LIN54: variants seen among roughly 807,000 people sequenced by gnomAD.
LIN54 encodes lin-54 DREAM MuvB core complex component.
A neutral mutation model predicts 78.7 loss-of-function variants in LIN54; 9 were observed. The observed-to-expected ratio is 0.11, with a 90% CI of 0.07 to 0.20. The LOEUF is 0.20. LIN54 is among the 10% of genes least tolerant of loss of function. LIN54 has a pLI of 1.00. For synonymous variants in LIN54, 269 were observed against 318.4 expected, an observed-to-expected ratio of 0.84 and a Z score of 1.65; for missense variants, 573 against 889.9, an observed-to-expected ratio of 0.64 and a Z score of 4.53.
chr4:82,974,508 G>A (rs1415453796), intron 3 of LIN54, among the ~76,000 whole-genome samples: 2 of 151,660 alleles, frequency 1.3e-5, no homozygotes, highest in Non-Finnish European at 2.9e-5. Flanking sequence ...AGGCCGAGGT[G>A]GGCAGATCAC....
At chr4:82,955,130 G>C (rs925655237) in intron 4 of LIN54, among the ~76,000 whole-genome samples, 1 of 152,034 alleles carries the variant, frequency 6.6e-6, no homozygotes, top group Non-Finnish European at 1.5e-5. Flanking sequence ...CTAGCACTTA[G>C]AGAGGCCGAA....
intron 1 of LIN54, among the ~76,000 whole-genome samples, chr4:82,997,523 A>C (rs1386252786): frequency 6.6e-6 from 1 of 152,010 alleles, no homozygotes; most frequent in Non-Finnish European, 1.5e-5. Context: ...TTAATCAAAG[A>C]CCTTGCCCTC....
At position 82,974,072 on chromosome 4, in the gene LIN54, T is replaced by C. The variant is rs546207278; in HGVS notation, c.809-3603A>G. Among the ~76,000 whole-genome samples the C allele has an allele frequency of 6.6e-5, 10 of 152,060 alleles. No homozygotes were observed. In the South Asian group the frequency reaches 1.7e-3, roughly 25 times the overall value. ...AAAAATACAAAAAATTAGCTGGGTG[T>C]GGTGGCAGGCACCTGTAGTCCCAGC... On this transcript the variant is annotated intron_variant, in intron 3 of 12. Coordinates refer to ENST00000340417, the MANE Select transcript of LIN54 (RefSeq NM_194282.4).
chr4:82,955,369 A>AATATAACATAAC (rs1553950433), intron 4 of LIN54, among the ~76,000 whole-genome samples: 2 of 138,292 alleles, frequency 1.4e-5, no homozygotes, highest in Non-Finnish European at 3.1e-5. Flanking sequence ...ATCTCAAAAA[A>AATATAACATAAC]ATAACATAAC....
intron 1 of LIN54, among the ~76,000 whole-genome samples, chr4:82,998,318 A>T: frequency 6.6e-6 from 1 of 151,568 alleles, no homozygotes. Context: ...GCTGAGGCGG[A>T]CAGATCACGA....
At chr4:82,979,654 C>A (rs1385136069) in intron 2 of LIN54, among the ~76,000 whole-genome samples, 2 of 151,900 alleles carry the variant, frequency 1.3e-5, no homozygotes, top group Non-Finnish European at 2.9e-5. Context: ...AAGATGGGGT[C>A]CTGGCCAGGC....
chr4:82,934,894 T>A (rs1170348806), intron 11 of LIN54, among the ~76,000 whole-genome samples: 1 of 152,148 alleles, frequency 6.6e-6, no homozygotes, highest in Non-Finnish European at 1.5e-5. Flanking sequence ...TTGTTACACA[T>A]AAGCTTCTAA....
chr4:83,009,462 T>C (rs1729675572), intron 1 of LIN54, among the ~76,000 whole-genome samples: 1 of 152,200 alleles, frequency 6.6e-6, no homozygotes, highest in African/African-American at 2.4e-5. Flanking sequence ...AATTAATGTA[T>C]AAAAATTTTT....
At chr4:82,937,152 T>G (rs1210670448) in intron 9 of LIN54, 75 bp downstream of exon 9, 11 of 809,698 alleles carry the variant, frequency 1.4e-5, no homozygotes, top group African/African-American at 1.0e-4. Flanking sequence ...TGCTAAAAAT[T>G]TTTAGTTAAC....
rs1439856443 is a variant in LIN54, at chr4:82,930,974, G to C, written c.2017C>G (p.Pro673Ala). The stretch of plus-strand genomic sequence containing the variant: ...CCTCCACTATTTAAAGCTGGTGTTG[G>C]CCTAGTAAGCAAGTCTGAAATTTGA... ...SSQISDLLTR[P>A]TPALNSGGGK... Residue 673 changes from proline to alanine, a missense_variant, in exon 12 of 13, where the codon CCA (proline) becomes GCA (alanine). This residue lies in a region of LIN54 where 82 missense variants were observed against 140.8 expected (regional missense o/e 0.58). Transcript: ENST00000340417. 6.2e-7 allele frequency: 1 copy of C among 1,614,128 alleles called. No homozygotes were observed. Among genetic ancestry groups the C allele is most frequent in the Non-Finnish European group, 8.5e-7 (1 of 1,180,002 alleles).
chr4:82,939,753 T>C lies in LIN54; in HGVS notation c.1243-17A>G, dbSNP rs370858103. On this transcript the variant is annotated splice_polypyrimidine_tract_variant and intron_variant, in intron 6 of 12. Transcript: ENST00000340417. Reference sequence around the variant, plus strand: ...TGGAACAACCTAAAAAGAAGGGACATATATCAATGACCACAAAATAAATTT... The same window carrying C: ...TGGAACAACCTAAAAAGAAGGGACACATATCAATGACCACAAAATAAATTT... 3.3e-5 allele frequency: 54 copies of C among 1,613,506 alleles called. No individual in the cohort carries two copies. Among genetic ancestry groups the C allele is most frequent in the Non-Finnish European group, 4.5e-5 (53 of 1,179,514 alleles).
At chr4:82,939,830 A>G in intron 6 of LIN54, 59 bp downstream of exon 6, 1 of 1,587,798 alleles carries the variant, frequency 6.3e-7, no homozygotes. Flanking sequence ...TTAACTTTCT[A>G]TTTAAAAAGT....
At chr4:83,005,933 T>C (rs889575277) in intron 1 of LIN54, among the ~76,000 whole-genome samples, 4 of 152,150 alleles carry the variant, frequency 2.6e-5, no homozygotes, top group Non-Finnish European at 4.4e-5. Flanking sequence ...ATATACACTA[T>C]GAAATACTAC....
At chr4:83,001,861 G>GAAAGAAAGAAA (rs1560795479) in intron 1 of LIN54, among the ~76,000 whole-genome samples, 1 of 1,082 alleles carries the variant, frequency 9.2e-4, no homozygotes, top group African/African-American at 1.7e-3. Context: ...AAAAAAAAAA[G>GAAAGAAAGAAA]GATAGGAAGG....
rs186203621 is a variant in LIN54, at chr4:83,005,550, G to A, written c.-33+4934C>T. Among the ~76,000 whole-genome samples the A allele has an allele frequency of 3.5e-4, 53 of 151,496 alleles. 1 individual carries two copies. In the East Asian group the frequency reaches 9.3e-3, roughly 27 times the overall value. ...TGAGCTACGAGAATCACTTGAACACGGGAGGCAGAGGTTGCAGTGAGCCAA... is the reference window on the plus strand; with the variant it reads ...TGAGCTACGAGAATCACTTGAACACAGGAGGCAGAGGTTGCAGTGAGCCAA... On this transcript the variant is annotated intron_variant, in intron 1 of 12. Transcript: ENST00000340417.
intron 1 of LIN54, among the ~76,000 whole-genome samples, chr4:82,988,351 T>C (rs1019580888): frequency 1.3e-5 from 2 of 152,242 alleles, no homozygotes; most frequent in African/African-American, 4.8e-5. Flanking sequence ...TACTTATTAG[T>C]AGTTCTATTC....
At chr4:82,940,812 T>C (rs907066130) in intron 5 of LIN54, among the ~76,000 whole-genome samples, 6 of 152,216 alleles carry the variant, frequency 3.9e-5, no homozygotes, top group Non-Finnish European at 7.3e-5. Context: ...AGTTCTGCCA[T>C]TTTCTAACCA....
At chr4:82,987,943 G>A (rs898768529) in intron 1 of LIN54, among the ~76,000 whole-genome samples, 12 of 152,194 alleles carry the variant, frequency 7.9e-5, no homozygotes, top group African/African-American at 2.9e-4. Flanking sequence ...CTATATCCTT[G>A]AGGAATCACC....
chr4:82,949,594 A>G (rs557204296), intron 4 of LIN54, among the ~76,000 whole-genome samples: 78 of 151,990 alleles, frequency 5.1e-4, no homozygotes, highest in African/African-American at 1.8e-3. Flanking sequence ...ACGGGGTTTC[A>G]CCATGTTGGC....
Sources: gnomAD v4.1 joint callset for allele counts (sites outside exome capture counted in the v4.1 genomes callset) on GRCh38, gnomAD v4.1.1 for gene constraint, gnomAD v4.1.1 regional missense constraint, MANE v1.5 for transcripts, NCBI Gene and HGNC (gene_info 2026-07-23, HGNC 2026-07-21) for gene names.